Variants in TAFA1 observed in about 807,000 individuals in gnomAD.
The protein encoded by TAFA1 is TAFA chemokine like family member 1, also known as chemokine-like protein TAFA-1.
A neutral mutation model predicts 18.5 loss-of-function variants in TAFA1; 4 were observed. The observed-to-expected ratio is 0.22, with a 90% CI of 0.11 to 0.49. The LOEUF is 0.49. TAFA1 is among the 20% of genes least tolerant of loss of function. TAFA1 has a pLI of 0.98. For missense variants in TAFA1, 147 were observed against 169.0 expected (o/e 0.87, Z 0.72); for synonymous variants, 56 against 55.2 (o/e 1.01, Z -0.06).
chr3:68,446,376 C>G (rs1331468309), intron 3 of TAFA1, among the ~76,000 whole-genome samples: 1 of 151,998 alleles, frequency 6.6e-6, no homozygotes, highest in African/African-American at 2.4e-5. Context: ...TTTGCTGATC[C>G]CTAGATAAAG....
chr3:67,997,443 G>A, the TAFA1 span, among the ~76,000 whole-genome samples: 5 of 152,084 alleles, frequency 3.3e-5, no homozygotes, highest in African/African-American at 1.2e-4. Flanking sequence ...CTGTTAGATT[G>A]CCTCTCTGAC....
At position 68,513,365 on chromosome 3, in the gene TAFA1, A is replaced by G. The variant is rs144428012; in HGVS notation, c.260-25391A>G. 6.9e-3 allele frequency among the ~76,000 whole-genome samples: 1,055 copies of G among 152,296 alleles called. 10 individuals are homozygous for G. The highest frequency in any genetic ancestry group is 0.024 in the African/African-American group (1,017 of 41,570). ...GAAATGTTCTATTCTGTATCATTCA[A>G]TATGGTAGCCACTAGCCATATGTGG... On this transcript the variant is annotated intron_variant, in intron 3 of 4. Transcript: ENST00000478136.
intron 2 of TAFA1, among the ~76,000 whole-genome samples, chr3:68,023,302 A>C (rs1188980761): frequency 6.6e-6 from 1 of 152,140 alleles, no homozygotes; most frequent in African/African-American, 2.4e-5. Flanking sequence ...TGTGCTCTAC[A>C]TTGTCTTCAA....
intron 3 of TAFA1, among the ~76,000 whole-genome samples, chr3:68,479,242 AT>A (rs1398836329): frequency 5.3e-4 from 34 of 63,624 alleles, no homozygotes; most frequent in South Asian, 1.7e-3. Flanking sequence ...AAAAAAAAAA[AT>A]ATATATATAT....
chr3:68,153,716 T>C (rs1334752317), intron 2 of TAFA1, among the ~76,000 whole-genome samples: 1 of 152,130 alleles, frequency 6.6e-6, no homozygotes, highest in African/African-American at 2.4e-5. Flanking sequence ...AGACAGCCAC[T>C]CCAACCTTGA....
At chr3:68,258,502 C>A (rs4611828) in intron 2 of TAFA1, among the ~76,000 whole-genome samples, 74,821 of 152,000 alleles carry the variant, frequency 0.49, 19,750 homozygotes, top group African/African-American at 0.68. Context: ...TTTAATAATT[C>A]TTTTCTCAGA....
chr3:68,417,252 A>G (rs745637210), intron 2 of TAFA1, 28 bp from the exon 3 acceptor site: 3 of 1,608,310 alleles, frequency 1.9e-6, no homozygotes, highest in Non-Finnish European at 2.6e-6. Context: ...ATTTCTAATC[A>G]GTGTCCCTGT....
At chr3:68,359,786 C>T (rs1043018176) in intron 2 of TAFA1, among the ~76,000 whole-genome samples, 2 of 151,960 alleles carry the variant, frequency 1.3e-5, no homozygotes, top group African/African-American at 4.8e-5. Context: ...AATGCCCCTT[C>T]ATGGAGCTAA....
chr3:68,517,695 A>G (rs952530184), intron 3 of TAFA1, among the ~76,000 whole-genome samples: 2 of 152,212 alleles, frequency 1.3e-5, no homozygotes, highest in Non-Finnish European at 2.9e-5. Context: ...CAAAAGCAGA[A>G]CTATGGCCCA....
At chr3:68,224,854 T>A (rs1167947206) in intron 2 of TAFA1, among the ~76,000 whole-genome samples, 2 of 148,146 alleles carry the variant, frequency 1.4e-5, no homozygotes, top group African/African-American at 2.5e-5. Context: ...TGTGATTGCC[T>A]CCCTTGCTGT....
chr3:68,498,555 G>T (rs1006466419), intron 3 of TAFA1, among the ~76,000 whole-genome samples: 3 of 152,044 alleles, frequency 2.0e-5, no homozygotes, highest in African/African-American at 7.2e-5. Flanking sequence ...AAAAGACCAT[G>T]TCTGACCTTG....
At chr3:68,075,107 AC>A (rs1575602743) in intron 2 of TAFA1, among the ~76,000 whole-genome samples, 1 of 152,136 alleles carries the variant, frequency 6.6e-6, no homozygotes. Context: ...TGAAACTATA[AC>A]TTTTGCCTAT....
intron 2 of TAFA1, among the ~76,000 whole-genome samples, chr3:68,153,523 C>T (rs952515866): frequency 6.6e-6 from 1 of 152,150 alleles, no homozygotes; most frequent in Non-Finnish European, 1.5e-5. Context: ...TTGCAAAGCT[C>T]TCCTATGGCT....
rs546307986 is a variant in TAFA1 at position 68,318,296 on chromosome 3, A to G, written c.119-98984A>G. On this transcript the variant is annotated intron_variant, in intron 2 of 4. Coordinates refer to ENST00000478136, the MANE Select transcript of TAFA1 (RefSeq NM_213609.4). ...CCATATGCTTCTCCCTCTCCTGGCT[A>G]TCAAGGATGGCCTCTTTGATGATTG... 4.6e-5 allele frequency among the ~76,000 whole-genome samples: 7 copies of G among 152,298 alleles called. No homozygotes were observed. The East Asian group carries it at 1.2e-3, about 25-fold the overall frequency.
chr3:68,502,651 T>C (rs1301604703), intron 3 of TAFA1, among the ~76,000 whole-genome samples: 2 of 152,036 alleles, frequency 1.3e-5, no homozygotes, highest in African/African-American at 2.4e-5. Context: ...TATTCCCCCC[T>C]GATTCTCCCC....
At chr3:68,395,188 A>C (rs928084102) in intron 2 of TAFA1, among the ~76,000 whole-genome samples, 1 of 151,702 alleles carries the variant, frequency 6.6e-6, no homozygotes, top group African/African-American at 2.4e-5. Context: ...CAAACATATG[A>C]AAAAAAAACT....
intron 2 of TAFA1, among the ~76,000 whole-genome samples, chr3:68,232,896 A>C (rs1336524125): frequency 1.3e-5 from 2 of 152,118 alleles, no homozygotes; most frequent in Non-Finnish European, 2.9e-5. Context: ...AAGCCACTGC[A>C]CCTGGCCTAT....
chr3:68,249,361 T>C (rs1195145509), intron 2 of TAFA1, among the ~76,000 whole-genome samples: 1 of 152,142 alleles, frequency 6.6e-6, no homozygotes, highest in Non-Finnish European at 1.5e-5. Flanking sequence ...AGCTCAGCAA[T>C]TCTACTTGGG....
At chr3:68,315,320 A>C (rs2068589800) in intron 2 of TAFA1, among the ~76,000 whole-genome samples, 1 of 152,176 alleles carries the variant, frequency 6.6e-6, no homozygotes, top group Admixed American at 6.6e-5. Context: ...TGTCATGTTC[A>C]GTTGTTGGTG....
Sources: gnomAD v4.1 joint callset for allele counts (sites outside exome capture counted in the v4.1 genomes callset) on GRCh38, gnomAD v4.1.1 for gene constraint, MANE v1.5 for transcripts, NCBI Gene and HGNC (gene_info 2026-07-23, HGNC 2026-07-21) for gene names.